The following CSMD1 variants were observed in gnomAD, a reference collection of about 807,000 sequenced individuals.
CSMD1 encodes the protein CUB and sushi domain-containing protein 1.
Under a neutral mutation model 417.5 loss-of-function variants are expected in CSMD1, and 213 were observed. The observed-to-expected ratio is 0.51, with a 90% CI of 0.46 to 0.57. The LOEUF (loss-of-function observed/expected upper bound fraction) is 0.57. Among genes scored for constraint, CSMD1 ranks in the 20% least tolerant of loss-of-function variants. The pLI, the probability that CSMD1 is intolerant of heterozygous loss-of-function variation, is 0.00. For missense variants in CSMD1, 6,923 were observed against 4,529.7 expected, an observed-to-expected ratio of 1.53 and a Z score of -15.17; for synonymous variants, 2,862 against 1,736.8, an observed-to-expected ratio of 1.65 and a Z score of -16.11.
In CSMD1 at chr8:4,065,277, G is replaced by C. The variant is rs73187960; in HGVS notation, c.416-33178C>G. ...ATTTCAAGAACCACTGACTCTGTTGGGCAGTGCTTCCCCATCCCCCTCAGT... is the reference window on the plus strand; with the variant it reads ...ATTTCAAGAACCACTGACTCTGTTGCGCAGTGCTTCCCCATCCCCCTCAGT... On this transcript the variant is annotated intron_variant, in intron 3 of 69. Coordinates refer to ENST00000635120, the MANE Select transcript of CSMD1 (RefSeq NM_033225.6). Among the ~76,000 whole-genome samples, 1,318 of 152,228 alleles carry C rather than the reference G, an allele frequency of 8.7e-3. 14 individuals carry two copies. The highest frequency in any genetic ancestry group is 0.045 in the South Asian group (217 of 4,818).
intron 5 of CSMD1, among the ~76,000 whole-genome samples, chr8:3,816,589 G>C (rs1016960078): frequency 6.6e-6 from 1 of 151,940 alleles, no homozygotes; most frequent in African/African-American, 2.4e-5. Flanking sequence ...AGATTAGTAG[G>C]GTGACTGCAG....
chr8:4,418,582 A>G lies in CSMD1; in HGVS notation c.415+1371T>C, dbSNP rs181615727. Among the ~76,000 whole-genome samples, 600 of 152,292 alleles carry G rather than the reference A, an allele frequency of 3.9e-3. 1 individual carries two copies. Among genetic ancestry groups the G allele is most frequent in the African/African-American group, 0.014 (584 of 41,574 alleles). Reference sequence around the variant, plus strand: ...TATCTATTTTCTGAACAAATATTGTATGTTAACAGGACAAAATATGCCTGG... The same window carrying G: ...TATCTATTTTCTGAACAAATATTGTGTGTTAACAGGACAAAATATGCCTGG... On this transcript the variant is annotated intron_variant, in intron 3 of 69. Coordinates refer to ENST00000635120, the MANE Select transcript of CSMD1 (RefSeq NM_033225.6).
chr8:3,628,805 G>C (rs1012756948), intron 7 of CSMD1, among the ~76,000 whole-genome samples: 2 of 152,132 alleles, frequency 1.3e-5, no homozygotes, highest in South Asian at 2.1e-4. Flanking sequence ...TGGCACACGT[G>C]TCCGAGCCAA....
At chr8:4,159,031 T>G (rs1796996183) in intron 3 of CSMD1, among the ~76,000 whole-genome samples, 1 of 152,168 alleles carries the variant, frequency 6.6e-6, no homozygotes, top group Non-Finnish European at 1.5e-5. Context: ...TTCTCCTGCC[T>G]CAGCCTCCAT....
chr8:3,531,754 G>C (rs1313827182), intron 10 of CSMD1, among the ~76,000 whole-genome samples: 5 of 152,156 alleles, frequency 3.3e-5, no homozygotes, highest in African/African-American at 1.2e-4. Flanking sequence ...TTCTAACAAA[G>C]AGCAGCCTGG....
At chr8:3,016,068 C>G (rs79873930) in intron 52 of CSMD1, among the ~76,000 whole-genome samples, 1 of 152,268 alleles carries the variant, frequency 6.6e-6, no homozygotes, top group Admixed American at 6.5e-5. Context: ...CTGTACTTCT[C>G]TATGCTTTCT....
At chr8:3,483,097 G>C (rs1052651497) in intron 11 of CSMD1, among the ~76,000 whole-genome samples, 4 of 151,974 alleles carry the variant, frequency 2.6e-5, no homozygotes, top group South Asian at 2.1e-4. Flanking sequence ...TAGACTCAAA[G>C]AAACTAGGAG....
chr8:4,284,304 G>A (rs888050226), intron 3 of CSMD1, among the ~76,000 whole-genome samples: 16 of 152,054 alleles, frequency 1.1e-4, no homozygotes, highest in African/African-American at 3.9e-4. Context: ...GGAGGCGGAG[G>A]TTGCCGTGAG....
chr8:4,376,738 T>C (rs1802773111), intron 3 of CSMD1, among the ~76,000 whole-genome samples: 1 of 152,262 alleles, frequency 6.6e-6, no homozygotes, highest in African/African-American at 2.4e-5. Flanking sequence ...TGCACTGCTT[T>C]ATTCACCCAG....
At chr8:4,755,653 T>C (rs577016456) in intron 1 of CSMD1, among the ~76,000 whole-genome samples, 1 of 152,340 alleles carries the variant, frequency 6.6e-6, no homozygotes, top group South Asian at 2.1e-4. Flanking sequence ...CAAACACATC[T>C]GTCAATGGCA....
intron 12 of CSMD1, 132 bp downstream of exon 12, chr8:3,468,580 T>C (rs1221406774): frequency 8.4e-6 from 5 of 594,928 alleles, no homozygotes; most frequent in Non-Finnish European, 1.5e-5. Context: ...TTTAAGGAAG[T>C]TCCCGTCATG....
At chr8:4,023,905 C>T (rs1449661353) in intron 4 of CSMD1, among the ~76,000 whole-genome samples, 1 of 151,638 alleles carries the variant, frequency 6.6e-6, no homozygotes, top group Non-Finnish European at 1.5e-5. Flanking sequence ...GCGTGAGCCA[C>T]AGCACCCGAC....
At chr8:3,951,936 A>G (rs1225752311) in intron 5 of CSMD1, among the ~76,000 whole-genome samples, 1 of 152,146 alleles carries the variant, frequency 6.6e-6, no homozygotes, top group Non-Finnish European at 1.5e-5. Flanking sequence ...AAAAAAATAG[A>G]TATCGAATAC....
chr8:4,187,303 A>G (rs984340162), intron 3 of CSMD1, among the ~76,000 whole-genome samples: 1 of 152,164 alleles, frequency 6.6e-6, no homozygotes, highest in African/African-American at 2.4e-5. Flanking sequence ...AGTCATAGGA[A>G]AGGACAACCC....
chr8:4,899,510 C>T (rs1387616191), intron 1 of CSMD1, among the ~76,000 whole-genome samples: 1 of 152,124 alleles, frequency 6.6e-6, no homozygotes, highest in African/African-American at 2.4e-5. Context: ...ATCTCATTGT[C>T]TCACAAAATA....
rs117235798 is a variant in CSMD1, at chr8:3,939,211, T to A, written c.818+58692A>T. 2.0e-5 allele frequency among the ~76,000 whole-genome samples: 3 copies of A among 152,062 alleles called. 1 individual carries two copies. In the South Asian group the frequency reaches 6.2e-4, roughly 32 times the overall value. On this transcript the variant is annotated intron_variant, in intron 5 of 69. Coordinates refer to ENST00000635120, the MANE Select transcript of CSMD1 (RefSeq NM_033225.6). ...ATAAGAGAACCCAACACAAAAGTAA[T>A]TCATCACGAATAAACTTTTAAAATC...
chr8:4,188,366 T>G (rs1798807571), intron 3 of CSMD1, among the ~76,000 whole-genome samples: 3 of 152,192 alleles, frequency 2.0e-5, no homozygotes, highest in African/African-American at 7.2e-5. Flanking sequence ...CCTTCATTCA[T>G]TCTGCATAAT....
In CSMD1 at chr8:4,864,747, G is replaced by A. The variant is rs190973000; in HGVS notation, c.85+129585C>T. On this transcript the variant is annotated intron_variant, in intron 1 of 69. Coordinates refer to ENST00000635120, the MANE Select transcript of CSMD1 (RefSeq NM_033225.6). ...AAAATTCGAAGTATATTTTCCATAT[G>A]AGTCATAACAATTTGATTATTTTCA... 2.0e-3 allele frequency among the ~76,000 whole-genome samples: 309 copies of A among 151,648 alleles called. 2 individuals carry two copies. Among genetic ancestry groups the A allele is most frequent in the African/African-American group, 6.9e-3 (287 of 41,348 alleles).
chr8:4,382,044 C>T lies in CSMD1; in HGVS notation c.415+37909G>A, dbSNP rs141197895. 4.6e-5 allele frequency among the ~76,000 whole-genome samples: 7 copies of T among 152,228 alleles called. No homozygotes were observed. The East Asian group carries it at 7.7e-4, about 17-fold the overall frequency. Reference sequence around the variant, plus strand: ...AGCTGGGGTCTGAATTTCTGTTATGCGACACCAGAACTGGGACTCTCAGCC... The same window carrying T: ...AGCTGGGGTCTGAATTTCTGTTATGTGACACCAGAACTGGGACTCTCAGCC... On this transcript the variant is annotated intron_variant, in intron 3 of 69. Coordinates refer to ENST00000635120, the MANE Select transcript of CSMD1 (RefSeq NM_033225.6).
Sources: gnomAD v4.1 joint callset for allele counts (sites outside exome capture counted in the v4.1 genomes callset) on GRCh38, gnomAD v4.1.1 for gene constraint, MANE v1.5 for transcripts, NCBI Gene and HGNC (gene_info 2026-07-23, HGNC 2026-07-21) for gene names.